The following SLC52A3 variants were observed in gnomAD, a reference collection of about 807,000 sequenced individuals.
The protein encoded by SLC52A3 is solute carrier family 52 member 3.
A neutral mutation model predicts 29.5 loss-of-function variants in SLC52A3; 20 were observed. The ratio of observed to expected loss-of-function variants is 0.68; its 90% CI spans 0.48 to 0.99. The LOEUF is 0.99. Ranked by LOEUF, SLC52A3 falls within the 50% of genes least tolerant of loss-of-function variation. The pLI is 0.00. For synonymous variants in SLC52A3, 301 were observed against 271.0 expected, an observed-to-expected ratio of 1.11 and a Z score of -1.09; for missense variants, 548 against 612.9, an observed-to-expected ratio of 0.89 and a Z score of 1.12.
In SLC52A3 at chr20:760,985, A is replaced by G. The variant is rs1489172123; in HGVS notation, c.*41T>C. 1 of 1,559,962 alleles carries G rather than the reference A, an allele frequency of 6.4e-7. No individual in the cohort carries two copies. Among genetic ancestry groups the G allele is most frequent in the Non-Finnish European group, 8.7e-7 (1 of 1,151,870 alleles). ...CTGTGACCTGGCCTCTCTGGACCCC[A>G]GTTCCGTCCGTGAGCGATGGGGGCG... On this transcript the variant is annotated 3_prime_UTR_variant, in exon 5 of 5. Coordinates refer to ENST00000645534, the MANE Select transcript of SLC52A3 (RefSeq NM_033409.4). The surrounding 1 kb of genome is among the most constrained non-coding windows in gnomAD (Gnocchi z 4.9).
chr20:779,235 C>T (rs972833005), upstream of SLC52A3, among the ~76,000 whole-genome samples: 4 of 152,158 alleles, frequency 2.6e-5, no homozygotes, highest in African/African-American at 9.7e-5. Flanking sequence ...AGGATGTTTA[C>T]AACGAGTCAG....
In SLC52A3 at chr20:765,366, A is replaced by G; in HGVS notation, c.409T>C (p.Tyr137His). The G allele has an allele frequency of 6.2e-7, 1 of 1,614,122 alleles. No individual in the cohort carries two copies. Among genetic ancestry groups the G allele is most frequent in the Non-Finnish European group, 8.5e-7 (1 of 1,180,010 alleles). ...LPFMSRLPTY[Y>H]LTTFFVGEGL... is the part of the protein sequence containing the mutation. The stretch of plus-strand genomic sequence containing the variant: ...TCACCCACAAAGAAGGTGGTGAGGT[A>G]GTAGGTGGGCAGCCGGCTCATGAAC... The change falls in exon 2 of 5, where the codon TAC becomes CAC. Residue 137 changes from tyrosine (Y) to histidine (H), a missense_variant. Transcript: ENST00000645534. This position sits in a 1 kb window ranked among gnomAD's most constrained non-coding sequence, Gnocchi z 6.6.
At position 765,750 on chromosome 20, in the gene SLC52A3, C is replaced by T. The variant is rs770505431; in HGVS notation, c.25G>A (p.Val9Ile). The change falls in exon 2 of 5, where the codon GTC (valine) becomes ATC (isoleucine). Residue 9 changes from valine (V) to isoleucine (I), a missense_variant. Coordinates refer to ENST00000645534, the MANE Select transcript of SLC52A3 (RefSeq NM_033409.4). This position sits in a 1 kb window ranked among gnomAD's most constrained non-coding sequence, Gnocchi z 6.6. Reference protein sequence around the residue: MAFLMHLLVCVFGMGSWVT... With the variant: MAFLMHLLICVFGMGSWVT... Reference sequence around the variant, plus strand: ...CAGGAGCCCATTCCGAAGACGCAGACCAGCAGGTGCATCAGGAAGGCCATG... The same window carrying T: ...CAGGAGCCCATTCCGAAGACGCAGATCAGCAGGTGCATCAGGAAGGCCATG... 19 of 1,608,690 alleles carry T rather than the reference C, an allele frequency of 1.2e-5. No individual in the cohort carries two copies. Among genetic ancestry groups the T allele is most frequent in the Non-Finnish European group, 1.5e-5 (18 of 1,178,430 alleles).
At chr20:771,485 C>T (rs778456089), upstream of SLC52A3, among the ~76,000 whole-genome samples, 2 of 152,134 alleles carry the variant, frequency 1.3e-5, no homozygotes, top group Admixed American at 6.6e-5. Context: ...CACAGAGATA[C>T]ACATTCCAGG....
intron 4 of SLC52A3, 104 bp downstream of exon 4, chr20:761,597 C>A: frequency 6.5e-7 from 1 of 1,547,938 alleles, no homozygotes; most frequent in East Asian, 2.3e-5. Context: ...CGGGAGGGTC[C>A]CACAGACCCC....
At chr20:771,892 C>T (rs572159314), upstream of SLC52A3, among the ~76,000 whole-genome samples, 8 of 152,206 alleles carry the variant, frequency 5.3e-5, no homozygotes, top group East Asian at 9.6e-4. Context: ...AAGCACAGTC[C>T]AGCAGTACAG....
In SLC52A3 at chr20:760,773, A is replaced by G. The variant is rs190532379; in HGVS notation, c.*253T>C. ...GGCCTGCCTCCAGCTAGATGCTGCA[A>G]ATCAGTCCTCTCTTGAGAGTCAAAG... On this transcript the variant is annotated 3_prime_UTR_variant, in exon 5 of 5. Coordinates refer to ENST00000645534, the MANE Select transcript of SLC52A3 (RefSeq NM_033409.4). The surrounding 1 kb of genome is among the most constrained non-coding windows in gnomAD (Gnocchi z 4.9). 1.2e-3 allele frequency: 641 copies of G among 550,946 alleles called. 7 individuals are homozygous for G. The East Asian group carries it at 0.016, about 14-fold the overall frequency. The allele number at this position is 550,946 out of a possible 1,614,324, so 34.1% of individuals were successfully genotyped here.
rs761318213 is a variant in SLC52A3, at chr20:761,088, G to C, written c.1348C>G (p.Leu450Val). 2 of 1,609,408 alleles carry C rather than the reference G, an allele frequency of 1.2e-6. No homozygotes were observed. Among genetic ancestry groups the C allele is most frequent in the South Asian group, 1.1e-5 (1 of 90,348 alleles). The change falls in exon 5 of 5, where the codon CTG (leucine) becomes GTG (valine). Residue 450 changes from leucine to valine, a missense_variant. This residue lies in a region of SLC52A3 where 173 missense variants were observed against 141.8 expected (regional missense o/e 1.22). Coordinates refer to ENST00000645534, the MANE Select transcript of SLC52A3 (RefSeq NM_033409.4). ...SLLGALLMFPLVNVLRLFSSA... is the reference protein window; with the variant it reads ...SLLGALLMFPVVNVLRLFSSA... Reference sequence around the variant, plus strand: ...GAGAAGAGCCGCAGCACGTTGACCAGAGGGAACATGAGCAGCGCTCCGAGC... The same window carrying C: ...GAGAAGAGCCGCAGCACGTTGACCACAGGGAACATGAGCAGCGCTCCGAGC...
intron 3 of SLC52A3, among the ~76,000 whole-genome samples, chr20:763,215 G>T (rs1032742604): frequency 6.6e-6 from 1 of 152,228 alleles, no homozygotes; most frequent in South Asian, 2.1e-4. Flanking sequence ...GCCAGGCACC[G>T]CTCCAAGAGC....
rs1442357724 is a variant in SLC52A3, at chr20:765,544, G to A, written c.231C>T (p.Thr77=). The stretch of plus-strand genomic sequence containing the variant: ...AGGTGACGGTTCCCACGCCCAGCAG[G>A]GTGAAGATGATGGGCACTTCGGAAA... The part of the protein sequence containing the change: ...SCLSEVPIIF[T]LLGVGTVTCI... The change falls in exon 2 of 5, where the codon ACC becomes ACT. Residue 77 remains threonine (T), a synonymous_variant. Transcript: ENST00000645534. This position sits in a 1 kb window ranked among gnomAD's most constrained non-coding sequence, Gnocchi z 6.6. The A allele has an allele frequency of 6.3e-7, 1 of 1,577,094 alleles. No homozygotes were observed. The highest frequency in any genetic ancestry group is 1.3e-5 in the African/African-American group (1 of 74,250).
upstream of SLC52A3, among the ~76,000 whole-genome samples, chr20:770,761 A>G (rs1986822616): frequency 6.6e-6 from 1 of 152,230 alleles, no homozygotes; most frequent in South Asian, 2.1e-4. This position sits in a 1 kb window ranked among gnomAD's most constrained non-coding sequence, Gnocchi z 4.5. Context: ...AGGCAAAAAT[A>G]ATAATAAAAG....
At chr20:779,456 T>C (rs1987153684), upstream of SLC52A3, among the ~76,000 whole-genome samples, 1 of 152,122 alleles carries the variant, frequency 6.6e-6, no homozygotes, top group Non-Finnish European at 1.5e-5. Context: ...ACCCTGTCTC[T>C]ACTAAAAATA....
chr20:761,510 A>G (rs1986477968), intron 4 of SLC52A3, 191 bp downstream of exon 4: 1 of 822,510 alleles, frequency 1.2e-6, no homozygotes, highest in Non-Finnish European at 1.9e-6. Flanking sequence ...TGGTGGGAAG[A>G]GGCCTACCAG....
Position 765,872 on chromosome 20 carries a change from G to T in SLC52A3, c.-51-47C>A. On this transcript the variant is annotated intron_variant, in intron 1 of 4. Transcript: ENST00000645534. This position sits in a 1 kb window ranked among gnomAD's most constrained non-coding sequence, Gnocchi z 6.6. ...TGAGTAATTCCAGCTTCACCACCTA[G>T]CAAGATGCTGGGACCTGGGGCCCAG... 8.3e-7 allele frequency: 1 copy of T among 1,205,642 alleles called. No homozygotes were observed. Among genetic ancestry groups the T allele is most frequent in the Non-Finnish European group, 1.2e-6 (1 of 832,446 alleles). The allele number at this position is 1,205,642 out of a possible 1,614,324, so 74.7% of individuals were successfully genotyped here. A position where few individuals can be genotyped will look rare whatever the true frequency, so the allele number is the denominator to read the frequency against.
upstream of SLC52A3, among the ~76,000 whole-genome samples, chr20:779,677 A>C (rs1291046853): frequency 2.0e-5 from 3 of 152,178 alleles, no homozygotes; most frequent in Non-Finnish European, 4.4e-5. Context: ...ATGCCACCAT[A>C]ACTCTTAACT....
upstream of SLC52A3, among the ~76,000 whole-genome samples, chr20:778,708 C>T (rs1473700228): frequency 6.6e-6 from 1 of 151,182 alleles, no homozygotes; most frequent in Non-Finnish European, 1.5e-5. Context: ...ATGTGGCTTG[C>T]AGGATGGCCA....
At chr20:773,514 G>T (rs1986912164) in intron 1 of SLC52A3, among the ~76,000 whole-genome samples, 1 of 152,158 alleles carries the variant, frequency 6.6e-6, no homozygotes, top group Admixed American at 6.5e-5. Flanking sequence ...AAGGGGCCAT[G>T]GGGGTCAAGC....
At chr20:767,537 A>G (rs1398019265) in intron 1 of SLC52A3, among the ~76,000 whole-genome samples, 2 of 151,986 alleles carry the variant, frequency 1.3e-5, no homozygotes, top group African/African-American at 4.8e-5. Flanking sequence ...TTGTATTTTT[A>G]TTAGAGATGG....
chr20:772,971 G>T (rs1469881200), upstream of SLC52A3, among the ~76,000 whole-genome samples: 3 of 152,252 alleles, frequency 2.0e-5, no homozygotes, highest in African/African-American at 7.2e-5. Context: ...TCAAAGGACA[G>T]CTAGGAGGCC....
Sources: allele counts gnomAD v4.1 joint callset (sites outside exome capture counted in the v4.1 genomes callset), GRCh38; gene constraint gnomAD v4.1.1; regional missense constraint gnomAD v4.1.1; non-coding constraint Gnocchi (gnomAD v3.1); transcripts MANE v1.5; gene names NCBI Gene and HGNC (gene_info 2026-07-23, HGNC 2026-07-21).